The following FILIP1L variants were observed in gnomAD, a reference collection of about 807,000 sequenced individuals.
FILIP1L encodes the protein filamin A interacting protein 1 like.
A neutral mutation model predicts 96.6 loss-of-function variants in FILIP1L; 55 were observed. The ratio of observed to expected loss-of-function variants is 0.57; its 90% CI spans 0.46 to 0.71. The LOEUF is 0.71. FILIP1L is among the 30% of genes least tolerant of loss of function. FILIP1L has a pLI of 0.00. For missense variants in FILIP1L, 1,304 were observed against 1,321.2 expected, an observed-to-expected ratio of 0.99 and a Z score of 0.20; for synonymous variants, 467 against 473.9, an observed-to-expected ratio of 0.99 and a Z score of 0.19.
intron 1 of FILIP1L, among the ~76,000 whole-genome samples, chr3:100,099,440 G>A (rs769203040): frequency 2.6e-5 from 4 of 152,146 alleles, no homozygotes; most frequent in Non-Finnish European, 5.9e-5. Context: ...GGTAAGGAAG[G>A]TAGAGGAAGA....
chr3:99,837,768 A>G (rs1942960885), intron 5 of FILIP1L, among the ~76,000 whole-genome samples: 1 of 152,238 alleles, frequency 6.6e-6, no homozygotes, highest in South Asian at 2.1e-4. Flanking sequence ...TCCTTGAGAA[A>G]TAGAAATCCA....
At chr3:99,930,364 G>C (rs1489050611) in intron 2 of FILIP1L, among the ~76,000 whole-genome samples, 1 of 152,172 alleles carries the variant, frequency 6.6e-6, no homozygotes, top group Non-Finnish European at 1.5e-5. Context: ...ATGTGTACCA[G>C]CTGTTTTTAG....
At chr3:99,931,053 G>T (rs758410311) in intron 1 of FILIP1L, 23 bp from the exon 2 acceptor site, 10 of 1,602,552 alleles carry the variant, frequency 6.2e-6, no homozygotes, top group Non-Finnish European at 8.5e-6. Flanking sequence ...AAGAAAATTT[G>T]TAAAGCTTAA....
chr3:99,911,022 G>T (rs928776443), intron 4 of FILIP1L, among the ~76,000 whole-genome samples: 3 of 152,044 alleles, frequency 2.0e-5, no homozygotes, highest in Non-Finnish European at 4.4e-5. Context: ...TTTCCAGTTG[G>T]TTATATCTCA....
rs183818612 is a variant in FILIP1L at position 99,886,177 on chromosome 3, G to C, written c.606-35107C>G. Reference sequence around the variant, plus strand: ...GAAGAGTCCTACTGTATTCTTTTAAGAGGTATTCAGCAACTATTTGTTGAA... The same window carrying C: ...GAAGAGTCCTACTGTATTCTTTTAACAGGTATTCAGCAACTATTTGTTGAA... On this transcript the variant is annotated intron_variant, in intron 4 of 5. Coordinates refer to ENST00000477258, the MANE Select transcript of FILIP1L (RefSeq NM_001387850.1). 4.5e-3 allele frequency among the ~76,000 whole-genome samples: 687 copies of C among 152,322 alleles called. 19 individuals are homozygous for C. The highest frequency in any genetic ancestry group is 0.043 in the Admixed American group (658 of 15,300).
chr3:99,897,215 C>T (rs1163500107), intron 4 of FILIP1L, among the ~76,000 whole-genome samples: 1 of 151,932 alleles, frequency 6.6e-6, no homozygotes, highest in African/African-American at 2.4e-5. Context: ...AAAAATTAAC[C>T]GGGTGTTGTG....
At chr3:99,983,482 A>G (rs371944286) in intron 1 of FILIP1L, among the ~76,000 whole-genome samples, 762 of 21,362 alleles carry the variant, frequency 0.036, 48 homozygotes, top group African/African-American at 0.1. Flanking sequence ...ATATATATAT[A>G]TATATATATA....
intron 1 of FILIP1L, among the ~76,000 whole-genome samples, chr3:100,074,894 GT>G (rs2065825772): frequency 6.6e-6 from 1 of 151,382 alleles, no homozygotes; most frequent in African/African-American, 2.4e-5. Context: ...GGGTTTCGCC[GT>G]GTTGGCCAGG....
At chr3:100,094,314 A>G (rs1351930008) in intron 1 of FILIP1L, among the ~76,000 whole-genome samples, 1 of 152,062 alleles carries the variant, frequency 6.6e-6, no homozygotes, top group Non-Finnish European at 1.5e-5. Context: ...AGAGTTCCTT[A>G]TATTTTTTAA....
intron 1 of FILIP1L, among the ~76,000 whole-genome samples, chr3:99,943,738 G>T (rs1440872795): frequency 6.6e-6 from 1 of 152,122 alleles, no homozygotes; most frequent in Non-Finnish European, 1.5e-5. Flanking sequence ...GTGTCTTGGA[G>T]CTTCAGTCTA....
At chr3:100,063,380 A>C (rs763983321) in intron 1 of FILIP1L, among the ~76,000 whole-genome samples, 1 of 152,200 alleles carries the variant, frequency 6.6e-6, no homozygotes, top group Non-Finnish European at 1.5e-5. Context: ...ATTACTATAT[A>C]TCTGAATTAT....
At chr3:99,848,188 A>G (rs755048243) in intron 5 of FILIP1L, 107 bp downstream of exon 5, 15 of 1,540,380 alleles carry the variant, frequency 9.7e-6, no homozygotes, top group Middle Eastern at 1.8e-4. Context: ...GAGTTCAGTC[A>G]GTCTTGGGGG....
intron 5 of FILIP1L, among the ~76,000 whole-genome samples, chr3:99,843,772 G>A (rs914248666): frequency 1.3e-5 from 2 of 152,110 alleles, no homozygotes; most frequent in African/African-American, 2.4e-5. Context: ...TCCATGGCTT[G>A]TTAGGAGCCG....
In FILIP1L at chr3:99,849,958, G is replaced by A. The variant is rs774617850; in HGVS notation, c.1718C>T (p.Ala573Val). 9.3e-6 allele frequency: 15 copies of A among 1,612,314 alleles called. No homozygotes were observed. Among genetic ancestry groups the A allele is most frequent in the Admixed American group, 6.7e-5 (4 of 59,760 alleles). ...ERDDLKNKLKAEEEKGNDLLS... is the reference protein window; with the variant it reads ...ERDDLKNKLKVEEEKGNDLLS... Reference sequence around the variant, plus strand: ...GAGATCATTTCCTTTCTCTTCTTCCGCTTTCAATTTGTTTTTTAAATCATC... The same window carrying A: ...GAGATCATTTCCTTTCTCTTCTTCCACTTTCAATTTGTTTTTTAAATCATC... The change falls in exon 5 of 6, where the codon GCG becomes GTG. Residue 573 changes from alanine (A) to valine (V), a missense_variant. Coordinates refer to ENST00000477258, the MANE Select transcript of FILIP1L (RefSeq NM_001387850.1).
rs1287463159 is a variant in FILIP1L at position 99,829,473 on chromosome 3, C to G, written c.*941G>C. On this transcript the variant is annotated 3_prime_UTR_variant, in exon 6 of 6. Coordinates refer to ENST00000477258, the MANE Select transcript of FILIP1L (RefSeq NM_001387850.1). ...TCAACATTTTGTATTAATAGTTGGG[C>G]ATATTCATAGGTTATCAGAACTGGA... 6.6e-6 allele frequency among the ~76,000 whole-genome samples: 1 copy of G among 152,124 alleles called. No individual in the cohort carries two copies. The highest frequency in any genetic ancestry group is 6.6e-5 in the Admixed American group (1 of 15,266).
chr3:100,055,969 T>A (rs2107330372), intron 1 of FILIP1L, among the ~76,000 whole-genome samples: 1 of 152,246 alleles, frequency 6.6e-6, no homozygotes, highest in East Asian at 1.9e-4. Flanking sequence ...GTGTATGGAG[T>A]CCAAGCTTAA....
chr3:100,054,326 T>A (rs898573908), intron 1 of FILIP1L, among the ~76,000 whole-genome samples: 2 of 152,140 alleles, frequency 1.3e-5, no homozygotes, highest in African/African-American at 4.8e-5. Flanking sequence ...ACAAAGAAAT[T>A]GAGATATCTG....
At chr3:99,901,250 A>G (rs1706427411) in intron 4 of FILIP1L, among the ~76,000 whole-genome samples, 1 of 152,236 alleles carries the variant, frequency 6.6e-6, no homozygotes, top group Admixed American at 6.5e-5. Context: ...ACCTTCCTTT[A>G]GAGATGCCAA....
intron 1 of FILIP1L, among the ~76,000 whole-genome samples, chr3:100,003,322 A>ATACT (rs2107171487): frequency 1.3e-5 from 2 of 152,316 alleles, no homozygotes; most frequent in African/African-American, 4.8e-5. Context: ...AGTGCAGTAA[A>ATACT]TACTTACATA....
Sources: gnomAD v4.1 joint callset for allele counts (sites outside exome capture counted in the v4.1 genomes callset) on GRCh38, gnomAD v4.1.1 for gene constraint, MANE v1.5 for transcripts, NCBI Gene and HGNC (gene_info 2026-07-23, HGNC 2026-07-21) for gene names.